CHST9: variants seen among roughly 807,000 people sequenced by gnomAD.
CHST9 encodes the protein GalNAc-4-sulfotransferase 2.
CHST9 carries 41 observed loss-of-function variants against 44.4 expected under a neutral mutation model. The ratio of observed to expected loss-of-function variants is 0.92; its 90% confidence interval spans 0.72 to 1.20. CHST9 has a LOEUF of 1.20. Ranked by LOEUF, CHST9 falls within the 50% of genes most tolerant of loss-of-function variation. CHST9 has a pLI of 0.00. For synonymous variants in CHST9, 171 were observed against 178.4 expected, an observed-to-expected ratio of 0.96 and a Z score of 0.33; for missense variants, 504 against 516.5, an observed-to-expected ratio of 0.98 and a Z score of 0.23.
chr18:27,015,147 C>T (rs2057136286), intron 4 of CHST9, among the ~76,000 whole-genome samples: 1 of 152,128 alleles, frequency 6.6e-6, no homozygotes, highest in Admixed American at 6.5e-5. Context: ...TATTAAAATT[C>T]CTAGAGTTTT....
chr18:26,908,338 AC>A lies in CHST9; in HGVS notation c.*7920del, dbSNP rs778854092. 2.0e-5 allele frequency: 3 copies of A among 152,046 alleles called. No homozygotes were observed. Among genetic ancestry groups the A allele is most frequent in the Non-Finnish European group, 4.4e-5 (3 of 68,028 alleles). The allele number at this position is 152,046 out of a possible 1,614,324, so 9.4% of individuals were successfully genotyped here. Reference sequence around the variant, plus strand: ...AGGCTGAGACAGGAGAATAGCTTGAACCCAGGACGTGGAGGTTGCAGTGAGC... The same window carrying A: ...AGGCTGAGACAGGAGAATAGCTTGAACCAGGACGTGGAGGTTGCAGTGAGC... On this transcript the variant is annotated 3_prime_UTR_variant, in exon 6 of 6. Coordinates refer to ENST00000618847, the MANE Select transcript of CHST9 (RefSeq NM_031422.6).
intron 2 of CHST9, among the ~76,000 whole-genome samples, chr18:27,055,299 G>A (rs1279467892): frequency 6.6e-6 from 1 of 151,948 alleles, no homozygotes; most frequent in Admixed American, 6.6e-5. Flanking sequence ...TTTTAATATC[G>A]TTTTTGTTTC....
chr18:27,027,128 C>T (rs1425443338), intron 3 of CHST9, among the ~76,000 whole-genome samples: 3 of 152,192 alleles, frequency 2.0e-5, no homozygotes, highest in Non-Finnish European at 2.9e-5. Context: ...CAAATACAAC[C>T]ATGGTGTACT....
intron 4 of CHST9, among the ~76,000 whole-genome samples, chr18:26,949,059 G>A (rs2056206089): frequency 1.3e-5 from 2 of 152,158 alleles, no homozygotes; most frequent in South Asian, 4.1e-4. Flanking sequence ...TGAGGATGAG[G>A]TGGCCAAAGC....
chr18:27,014,732 A>G (rs2057130174), intron 4 of CHST9, among the ~76,000 whole-genome samples: 1 of 152,066 alleles, frequency 6.6e-6, no homozygotes, highest in Non-Finnish European at 1.5e-5. Context: ...TTTTCTGTGT[A>G]CACATTCCCC....
intron 4 of CHST9, among the ~76,000 whole-genome samples, chr18:26,947,527 A>G (rs990005612): frequency 8.5e-5 from 13 of 152,240 alleles, no homozygotes; most frequent in African/African-American, 3.1e-4. Flanking sequence ...GCTAATATCT[A>G]GAATCTACAA....
chr18:27,064,114 C>A (rs1197939166), intron 2 of CHST9, among the ~76,000 whole-genome samples: 1 of 151,902 alleles, frequency 6.6e-6, no homozygotes, highest in African/African-American at 2.4e-5. Flanking sequence ...AAAAATCAGG[C>A]CTGAGTATGA....
chr18:26,995,924 C>G (rs2056883007), intron 4 of CHST9, among the ~76,000 whole-genome samples: 1 of 152,140 alleles, frequency 6.6e-6, no homozygotes, highest in African/African-American at 2.4e-5. Context: ...TTTAGTTTCC[C>G]TCTTAAGAGA....
rs78718825 is a variant in CHST9 at position 27,019,258 on chromosome 18, A to G, written c.202+4858T>C. ...GGTTTGTGGACCCACAGTAGCCTGC[A>G]AGGATTAACTCTAGCTTTAAAATCA... On this transcript the variant is annotated intron_variant, in intron 4 of 5. Coordinates refer to ENST00000618847, the MANE Select transcript of CHST9 (RefSeq NM_031422.6). Among the ~76,000 whole-genome samples, 1,038 of 152,342 alleles carry G rather than the reference A, an allele frequency of 6.8e-3. 10 individuals are homozygous for G. Among genetic ancestry groups the G allele is most frequent in the African/African-American group, 0.023 (976 of 41,582 alleles).
intron 4 of CHST9, among the ~76,000 whole-genome samples, chr18:26,966,313 A>T (rs879635111): frequency 1.3e-5 from 2 of 152,232 alleles, no homozygotes; most frequent in Non-Finnish European, 2.9e-5. Context: ...AATCTCTTTT[A>T]AATTCTTAGA....
chr18:27,170,236 A>G lies in CHST9; in HGVS notation c.-97+14900T>C, dbSNP rs74473553. On this transcript the variant is annotated intron_variant, in intron 1 of 5. Coordinates refer to ENST00000618847, the MANE Select transcript of CHST9 (RefSeq NM_031422.6). ...TCTTCATGGCCTGGTCCCTTAAAAC[A>G]TCCTATAAGATTCTCACATTATCTC... 8.2e-3 allele frequency among the ~76,000 whole-genome samples: 1,242 copies of G among 152,278 alleles called. 10 individuals are homozygous for G. The highest frequency in any genetic ancestry group is 0.012 in the Non-Finnish European group (813 of 68,014).
intron 4 of CHST9, among the ~76,000 whole-genome samples, chr18:26,984,729 C>CAAA (rs200222761): frequency 1.6e-5 from 1 of 61,716 alleles, no homozygotes. Flanking sequence ...TACCAAAAGA[C>CAAA]AAAAAAAAAA....
At position 26,914,828 on chromosome 18, in the gene CHST9, A is replaced by G. The variant is rs1048729786; in HGVS notation, c.*1431T>C. Reference sequence around the variant, plus strand: ...CCATTACTGAATATTTACTGATAAGAAAAAAATGATAGCTTAGGAAGAGGA... The same window carrying G: ...CCATTACTGAATATTTACTGATAAGGAAAAAATGATAGCTTAGGAAGAGGA... On this transcript the variant is annotated 3_prime_UTR_variant, in exon 6 of 6. Coordinates refer to ENST00000618847, the MANE Select transcript of CHST9 (RefSeq NM_031422.6). 20 of 396,816 alleles carry G rather than the reference A, an allele frequency of 5.0e-5. No individual in the cohort carries two copies. Among genetic ancestry groups the G allele is most frequent in the Non-Finnish European group, 4.4e-6 (1 of 224,928 alleles). The allele number at this position is 396,816 out of a possible 1,614,324, so 24.6% of individuals were successfully genotyped here. A position where few individuals can be genotyped will look rare whatever the true frequency, so the allele number is the denominator to read the frequency against.
chr18:26,923,631 C>A (rs1283078286), intron 5 of CHST9, among the ~76,000 whole-genome samples: 2 of 152,046 alleles, frequency 1.3e-5, no homozygotes, highest in African/African-American at 4.8e-5. Flanking sequence ...TTCATCAATG[C>A]ACATATATGG....
chr18:27,073,820 T>C (rs1022959362), intron 2 of CHST9, among the ~76,000 whole-genome samples: 6 of 152,152 alleles, frequency 3.9e-5, no homozygotes, highest in Non-Finnish European at 7.4e-5. Flanking sequence ...ACTATTTATA[T>C]ATATATACTG....
At chr18:27,133,653 G>A (rs1598746796) in intron 2 of CHST9, among the ~76,000 whole-genome samples, 2 of 152,224 alleles carry the variant, frequency 1.3e-5, no homozygotes, top group South Asian at 4.2e-4. Flanking sequence ...CAAACAAAAG[G>A]AATTATTACA....
At chr18:27,084,317 T>C (rs1254549939) in intron 2 of CHST9, among the ~76,000 whole-genome samples, 1 of 152,038 alleles carries the variant, frequency 6.6e-6, no homozygotes, top group Non-Finnish European at 1.5e-5. Flanking sequence ...ACTGATTCAA[T>C]TTCAGAACTC....
At chr18:26,949,902 A>C (rs1378098747) in intron 4 of CHST9, among the ~76,000 whole-genome samples, 1 of 152,204 alleles carries the variant, frequency 6.6e-6, no homozygotes, top group East Asian at 1.9e-4. Flanking sequence ...CTGTGAGCCA[A>C]GTACTGTGGG....
At chr18:26,971,615 G>T (rs572953912) in intron 4 of CHST9, among the ~76,000 whole-genome samples, 7 of 152,366 alleles carry the variant, frequency 4.6e-5, no homozygotes, top group Middle Eastern at 3.4e-3. Flanking sequence ...CTTCCATCTA[G>T]AAAGGTGCAG....
Sources: gnomAD v4.1 joint callset for allele counts (sites outside exome capture counted in the v4.1 genomes callset) on GRCh38, gnomAD v4.1.1 for gene constraint, MANE v1.5 for transcripts, NCBI Gene and HGNC (gene_info 2026-07-23, HGNC 2026-07-21) for gene names.